The following TTC12 variants were observed in gnomAD, a reference collection of about 807,000 sequenced individuals.
The protein encoded by TTC12 is tetratricopeptide repeat domain 12.
Under a neutral mutation model 90.1 loss-of-function variants are expected in TTC12, and 70 were observed. The observed-to-expected ratio is 0.78, with a 90% CI of 0.64 to 0.95. The LOEUF (loss-of-function observed/expected upper bound fraction) is 0.95. TTC12 is among the 40% of genes least tolerant of loss of function. The pLI is 0.00. For missense variants in TTC12, 819 were observed against 846.1 expected (o/e 0.97, Z 0.40); for synonymous variants, 296 against 311.5 (o/e 0.95, Z 0.53).
intron 13 of TTC12, among the ~76,000 whole-genome samples, chr11:113,345,997 T>C (rs1258062904): frequency 1.3e-5 from 2 of 152,184 alleles, no homozygotes; most frequent in African/African-American, 4.8e-5. Context: ...AACGTTCATC[T>C]CCAGTTGAAC....
chr11:113,323,102 CAA>C (rs34496236), intron 2 of TTC12, among the ~76,000 whole-genome samples, 184 bp from the exon 3 acceptor site: 28 of 79,412 alleles, frequency 3.5e-4, no homozygotes, highest in Middle Eastern at 6.9e-3. Flanking sequence ...TTTTTCTAGG[CAA>C]AAAAAAAAAA....
intron 8 of TTC12, among the ~76,000 whole-genome samples, chr11:113,335,369 C>T (rs959376191): frequency 6.6e-6 from 1 of 152,148 alleles, no homozygotes; most frequent in Non-Finnish European, 1.5e-5. Flanking sequence ...GTCTATCTAC[C>T]TATTTATCCA....
At chr11:113,364,444 T>C in intron 20 of TTC12, 1 of 264,360 alleles carries the variant, frequency 3.8e-6, no homozygotes, top group East Asian at 8.6e-5. Flanking sequence ...TCCTGGATCC[T>C]GTTGCATACC....
intron 18 of TTC12, among the ~76,000 whole-genome samples, chr11:113,361,405 A>G (rs997355716): frequency 2.0e-5 from 3 of 152,338 alleles, no homozygotes; most frequent in African/African-American, 7.2e-5. Flanking sequence ...AAGGGTGGTA[A>G]TTAATGAGGC....
At chr11:113,356,434 C>T (rs782244839) in intron 16 of TTC12, among the ~76,000 whole-genome samples, 14 of 152,188 alleles carry the variant, frequency 9.2e-5, no homozygotes, top group Non-Finnish European at 1.8e-4. Context: ...CAATTTGGCT[C>T]ATTTACATTC....
At chr11:113,316,425 A>G (rs1555135647) in intron 2 of TTC12, 110 bp downstream of exon 2, 1 of 475,036 alleles carries the variant, frequency 2.1e-6, no homozygotes, top group African/African-American at 2.0e-5. Flanking sequence ...TTAGGAAAAA[A>G]ATGTAATTGA....
In TTC12 at chr11:113,340,540, A is replaced by G. The variant is rs372190020; in HGVS notation, c.827-124A>G. The G allele has an allele frequency of 1.5e-5, 11 of 713,458 alleles. No individual in the cohort carries two copies. In the African/African-American group the frequency reaches 1.6e-4, roughly 10 times the overall value. 44.2% of individuals were successfully genotyped at this position (713,458 alleles called of 1,614,324 possible). On this transcript the variant is annotated intron_variant, in intron 10 of 21. Transcript: ENST00000529221. ...ATGTAAAGTTCATTTGTTCCTGCCA[A>G]ACCATTCACGTGGGTACCGTGGCAT... is the stretch of plus-strand genomic sequence containing the variant.
rs764479291 is a variant in TTC12 at position 113,364,921 on chromosome 11, G to A, written c.1903G>A (p.Val635Met). The change falls in exon 21 of 22, where the codon GTG (valine) becomes ATG (methionine). Residue 635 changes from valine (V) to methionine (M), a missense_variant. Coordinates refer to ENST00000529221, the MANE Select transcript of TTC12 (RefSeq NM_017868.4). ...AALCLGNCME[V>M]PNVASSLLKT... ...CCTCTGCCTTGGTAACTGCATGGAG[G>A]TGCCCAACGTTGCGTCTTCCCTGCT... 1 of 1,614,186 alleles carries A rather than the reference G, an allele frequency of 6.2e-7. No homozygotes were observed. The highest frequency in any genetic ancestry group is 8.5e-7 in the Non-Finnish European group (1 of 1,180,038).
At chr11:113,336,947 A>T (rs534009346) in intron 8 of TTC12, among the ~76,000 whole-genome samples, 1 of 152,222 alleles carries the variant, frequency 6.6e-6, no homozygotes, top group East Asian at 1.9e-4. Flanking sequence ...AAGTACTGCT[A>T]TCTAAACAAT....
rs1189037073 is a variant in TTC12, at chr11:113,324,029, C to A, written c.244+14C>A. On this transcript the variant is annotated intron_variant, in intron 4 of 21. Transcript: ENST00000529221. ...AAATAAACTCAGGTAAGGACAGCAT[C>A]TCTCTTCCCAATTTTCATTCTTTAT... 1.9e-6 allele frequency: 3 copies of A among 1,606,814 alleles called. No homozygotes were observed. In the African/African-American group the frequency reaches 4.0e-5, roughly 21 times the overall value.
At chr11:113,323,166 C>G in intron 2 of TTC12, 122 bp from the exon 3 acceptor site, 1 of 474,024 alleles carries the variant, frequency 2.1e-6, no homozygotes, top group African/African-American at 2.1e-5. Flanking sequence ...CTCTATTTTG[C>G]TTTCTATTGC....
intron 7 of TTC12, among the ~76,000 whole-genome samples, chr11:113,331,587 G>A (rs782392009): frequency 3.9e-5 from 6 of 152,204 alleles, no homozygotes; most frequent in Non-Finnish European, 7.3e-5. Context: ...ATCCCTGGGT[G>A]TGGATGTCAT....
At chr11:113,370,958 A>G (rs1476814823), downstream of TTC12, among the ~76,000 whole-genome samples, 1 of 152,162 alleles carries the variant, frequency 6.6e-6, no homozygotes, top group Non-Finnish European at 1.5e-5. Flanking sequence ...ACAAGCACAC[A>G]CATACACACA....
intron 16 of TTC12, among the ~76,000 whole-genome samples, chr11:113,354,200 C>G (rs1949488831): frequency 6.6e-6 from 1 of 151,922 alleles, no homozygotes; most frequent in African/African-American, 2.4e-5. Context: ...AGCTCTATTC[C>G]TAAGTATTTT....
chr11:113,325,879 C>G (rs77635337), intron 6 of TTC12, among the ~76,000 whole-genome samples: 75 of 152,274 alleles, frequency 4.9e-4, no homozygotes, highest in Non-Finnish European at 9.4e-4. Flanking sequence ...AAGAGCTGTC[C>G]ATTATCAGCT....
chr11:113,320,137 A>G (rs1051717410), intron 2 of TTC12, among the ~76,000 whole-genome samples: 9 of 152,126 alleles, frequency 5.9e-5, no homozygotes, highest in African/African-American at 1.9e-4. Context: ...CCAGTCCAGA[A>G]TATATACAAC....
intron 9 of TTC12, 77 bp from the exon 10 acceptor site, chr11:113,339,209 G>GA (rs111663834): frequency 1.1e-3 from 1,317 of 1,233,186 alleles, no homozygotes; most frequent in Middle Eastern, 1.9e-3. Context: ...CAAAAGAAAG[G>GA]AAAAAAAAAG....
At chr11:113,364,709 T>G (rs185628608) in intron 20 of TTC12, 126 bp from the exon 21 acceptor site, 305 of 709,888 alleles carry the variant, frequency 4.3e-4, no homozygotes, top group Non-Finnish European at 6.5e-4. Flanking sequence ...GTGAACAAGT[T>G]CTGCTGCAGA....
chr11:113,333,281 C>T (rs1198739499), intron 7 of TTC12, among the ~76,000 whole-genome samples: 1 of 152,128 alleles, frequency 6.6e-6, no homozygotes, highest in African/African-American at 2.4e-5. Context: ...CTATACTCTC[C>T]TCACTCAGGT....
Sources: gnomAD v4.1 joint callset for allele counts (sites outside exome capture counted in the v4.1 genomes callset) on GRCh38, gnomAD v4.1.1 for gene constraint, MANE v1.5 for transcripts, NCBI Gene and HGNC (gene_info 2026-07-23, HGNC 2026-07-21) for gene names.